SLC22A24: variants seen among roughly 807,000 people sequenced by gnomAD.
The protein encoded by SLC22A24 is steroid transmembrane transporter SLC22A24.
A neutral mutation model predicts 49.8 loss-of-function variants in SLC22A24; 53 were observed. The observed-to-expected ratio is 1.06, with a 90% confidence interval of 0.85 to 1.34. The LOEUF (loss-of-function observed/expected upper bound fraction) is 1.34. SLC22A24 is among the 40% of genes most tolerant of loss of function. The pLI is 0.00. For synonymous variants in SLC22A24, 302 were observed against 256.4 expected, an observed-to-expected ratio of 1.18 and a Z score of -1.70; for missense variants, 786 against 675.9, an observed-to-expected ratio of 1.16 and a Z score of -1.81.
chr11:63,100,680 A>C (rs2087085059), intron 5 of SLC22A24, among the ~76,000 whole-genome samples: 1 of 152,174 alleles, frequency 6.6e-6, no homozygotes, highest in Non-Finnish European at 1.5e-5. Context: ...TGTAACTACC[A>C]AAACAGCATG....
chr11:63,109,944 A>T (rs1358661680), intron 4 of SLC22A24, among the ~76,000 whole-genome samples: 3 of 152,094 alleles, frequency 2.0e-5, no homozygotes, highest in African/African-American at 4.8e-5. Flanking sequence ...CTGAATGGTA[A>T]TGCCTAGGAT....
intron 5 of SLC22A24, among the ~76,000 whole-genome samples, chr11:63,103,295 G>A (rs924012837): frequency 6.6e-6 from 1 of 152,054 alleles, no homozygotes; most frequent in African/African-American, 2.4e-5. Flanking sequence ...CTTTTTACCA[G>A]CTAACTCCTA....
intron 1 of SLC22A24, among the ~76,000 whole-genome samples, chr11:63,136,731 G>A (rs1409542426): frequency 1.3e-5 from 2 of 152,196 alleles, no homozygotes; most frequent in African/African-American, 2.4e-5. Context: ...AGCTCATCTG[G>A]GATTGCCCTT....
chr11:63,113,217 T>TATATATACAC (rs1565332367), intron 4 of SLC22A24, among the ~76,000 whole-genome samples: 66 of 1,616 alleles, frequency 0.041, 18 homozygotes, highest in African/African-American at 0.05. Context: ...TATATACACA[T>TATATATACAC]ATATATATAT....
At chr11:63,113,473 T>C (rs2087189753) in intron 4 of SLC22A24, among the ~76,000 whole-genome samples, 3 of 151,932 alleles carry the variant, frequency 2.0e-5, no homozygotes, top group South Asian at 4.1e-4. Flanking sequence ...TCTCAGAATT[T>C]GCTTGTCTGT....
intron 6 of SLC22A24, among the ~76,000 whole-genome samples, chr11:63,095,253 C>A (rs990911348): frequency 3.3e-5 from 5 of 151,922 alleles, no homozygotes; most frequent in African/African-American, 1.2e-4. Flanking sequence ...ATTGATAGTT[C>A]ACTATAGCCA....
At chr11:63,092,262 A>G (rs2087024779) in intron 6 of SLC22A24, among the ~76,000 whole-genome samples, 1 of 151,688 alleles carries the variant, frequency 6.6e-6, no homozygotes, top group Non-Finnish European at 1.5e-5. Context: ...GGACACAAAC[A>G]AATGGAAAAA....
At chr11:63,131,421 G>T (rs1315666809) in intron 2 of SLC22A24, among the ~76,000 whole-genome samples, 1 of 152,220 alleles carries the variant, frequency 6.6e-6, no homozygotes, top group African/African-American at 2.4e-5. Flanking sequence ...GGTACTGGTT[G>T]TTCCTTTCCA....
Position 63,080,987 on chromosome 11 carries a change from C to A in SLC22A24, c.1531G>T (p.Val511Phe), listed in dbSNP as rs1408282279. 1 of 1,552,156 alleles carries A rather than the reference C, an allele frequency of 6.4e-7. No individual in the cohort carries two copies. The highest frequency in any genetic ancestry group is 2.0e-5 in the Admixed American group (1 of 51,024). Reference protein sequence around the residue: ...YGVFPILAVPVILLLPETRDL... With the variant: ...YGVFPILAVPFILLLPETRDL... ...CTGGTTTCTGGAAGGAGGAGGATAA[C>A]AGGGACAGCAAGGATGGGGAAGACT... Residue 511 changes from valine (V) to phenylalanine (F), a missense_variant, in exon 9 of 10, where the codon GTT becomes TTT. Physicochemically the swap from Val to Phe is conservative, Grantham distance 50. Transcript: ENST00000612278.
intron 4 of SLC22A24, chr11:63,115,828 G>T: frequency 5.1e-6 from 1 of 195,406 alleles, no homozygotes; most frequent in Non-Finnish European, 1.1e-5. Flanking sequence ...GCAGCCTATT[G>T]GGGAGGTTGC....
At chr11:63,080,877 A>G (rs911076302) in intron 9 of SLC22A24, 43 bp downstream of exon 9, 1 of 1,506,678 alleles carries the variant, frequency 6.6e-7, no homozygotes, top group Non-Finnish European at 9.0e-7. Flanking sequence ...GCTACAGCAC[A>G]TAGCCACTCC....
chr11:63,117,293 G>A (rs1314490611), intron 4 of SLC22A24, among the ~76,000 whole-genome samples: 3 of 152,196 alleles, frequency 2.0e-5, no homozygotes, highest in Non-Finnish European at 2.9e-5. Flanking sequence ...AACGAATTCT[G>A]TAAAATCAGT....
intron 6 of SLC22A24, among the ~76,000 whole-genome samples, chr11:63,092,413 A>C (rs2087025955): frequency 6.8e-6 from 1 of 148,026 alleles, no homozygotes; most frequent in South Asian, 2.2e-4. Context: ...TCAAATTTCA[A>C]ATGGATCAAA....
chr11:63,137,439 A>C (rs1229960062), intron 1 of SLC22A24, among the ~76,000 whole-genome samples: 1 of 152,102 alleles, frequency 6.6e-6, no homozygotes, highest in Non-Finnish European at 1.5e-5. Flanking sequence ...TGATGACCCT[A>C]AAAAAGGCTC....
intron 2 of SLC22A24, among the ~76,000 whole-genome samples, chr11:63,120,789 G>T (rs946165011): frequency 7.9e-5 from 12 of 151,960 alleles, no homozygotes; most frequent in African/African-American, 2.9e-4. Flanking sequence ...CTTATAAAAT[G>T]TCTTACTTTC....
chr11:63,119,265 C>T lies in SLC22A24; in HGVS notation c.577G>A (p.Ala193Thr), dbSNP rs557316228. The T allele has an allele frequency of 1.4e-4, 216 of 1,551,350 alleles. No homozygotes were observed. In the East Asian group the frequency reaches 1.8e-3, roughly 13 times the overall value. ...ATGCAGTAAACAAGGAAGGTGGGAGCGAAGGCCGCACAGGTGTTAGAGATG... is the reference window on the plus strand; with the variant it reads ...ATGCAGTAAACAAGGAAGGTGGGAGTGAAGGCCGCACAGGTGTTAGAGATG... Reference protein sequence around the residue: ...LAISNTCAAFAPTFLVYCILR... With the variant: ...LAISNTCAAFTPTFLVYCILR... The change falls in exon 3 of 10, where the codon GCT (alanine) becomes ACT (threonine). Residue 193 changes from alanine to threonine, a missense_variant. Physicochemically the swap from Ala to Thr is moderately conservative, Grantham distance 58. Coordinates refer to ENST00000612278, the MANE Select transcript of SLC22A24 (RefSeq NM_001136506.2).
chr11:63,118,263 C>A (rs995839700), intron 4 of SLC22A24, among the ~76,000 whole-genome samples: 2 of 151,826 alleles, frequency 1.3e-5, no homozygotes, highest in African/African-American at 4.8e-5. Flanking sequence ...AGAGTAGGAA[C>A]TGAAACTAAG....
In SLC22A24 at chr11:63,093,691, TA is replaced by T. The variant is rs1417968460; in HGVS notation, c.1070+2299del. ...GGAACAATAGACACTGGGGCCTACC[TA>T]ATTGGGGAAGGTGGGAGGAGGGAGA... On this transcript the variant is annotated intron_variant, in intron 6 of 9. Transcript: ENST00000612278. Among the ~76,000 whole-genome samples, 3 of 152,024 alleles carry T rather than the reference TA, an allele frequency of 2.0e-5. No individual in the cohort carries two copies. In the East Asian group the frequency reaches 5.8e-4, roughly 29 times the overall value.
chr11:63,137,049 T>G (rs2087380295), intron 1 of SLC22A24, among the ~76,000 whole-genome samples: 3 of 152,100 alleles, frequency 2.0e-5, no homozygotes, highest in Admixed American at 6.5e-5. Flanking sequence ...AGCCCTGTGG[T>G]GGGATGTCTG....
Sources: gnomAD v4.1 joint callset for allele counts (sites outside exome capture counted in the v4.1 genomes callset) on GRCh38, gnomAD v4.1.1 for gene constraint, MANE v1.5 for transcripts, NCBI Gene and HGNC (gene_info 2026-07-23, HGNC 2026-07-21) for gene names.